The following RNF43 variants were observed in gnomAD, a reference collection of about 807,000 sequenced individuals.
RNF43 encodes the protein ring finger protein 43, also known as E3 ubiquitin-protein ligase RNF43.
Under a neutral mutation model 78.4 loss-of-function variants are expected in RNF43, and 37 were observed. The ratio of observed to expected loss-of-function variants is 0.47; its 90% CI spans 0.36 to 0.62. The LOEUF is 0.62. Among genes scored for constraint, RNF43 ranks in the 20% least tolerant of loss-of-function variants. The probability of loss-of-function intolerance (pLI) is 0.00; values close to 1 mark genes in which losing one functional copy is unlikely to be tolerated. For synonymous variants in RNF43, 347 were observed against 395.0 expected (o/e 0.88, Z 1.44); for missense variants, 774 against 1,007.9 (o/e 0.77, Z 3.14).
intron 6 of RNF43, among the ~76,000 whole-genome samples, chr17:58,362,254 G>A (rs777428224): frequency 6.6e-6 from 1 of 151,862 alleles, no homozygotes; most frequent in Non-Finnish European, 1.5e-5. Context: ...TTTCCCTCTA[G>A]AATAAAAAAG....
At chr17:58,363,094 T>C (rs1972874229) in intron 5 of RNF43, 181 bp downstream of exon 5, 1 of 669,372 alleles carries the variant, frequency 1.5e-6, no homozygotes, top group Admixed American at 2.9e-5. Context: ...GTTCATTCTG[T>C]AGGTGAGGCC....
chr17:58,356,866 G>A (rs1009294515), intron 9 of RNF43: 4 of 299,384 alleles, frequency 1.3e-5, no homozygotes, highest in South Asian at 9.1e-5. Flanking sequence ...CTACTACCCC[G>A]GGGACCATTC....
chr17:58,360,939 C>T lies in RNF43; in HGVS notation c.693G>A (p.Pro231=), dbSNP rs376426806. 1.3e-5 allele frequency: 20 copies of T among 1,574,618 alleles called. No individual in the cohort carries two copies. Among genetic ancestry groups the T allele is most frequent in the South Asian group, 1.2e-4 (10 of 86,352 alleles). ...TGGCCCAGGCTGTTCTCTGCTGAAG[C>T]GGATCCTGGGAAGAGGAATGGGGCT... ...RCRPRHSRPD[P]LQQRTAWAIS... is the part of the protein sequence containing the mutation. Residue 231 remains proline (P), a synonymous_variant, in exon 7 of 10, where the codon CCG becomes CCA. Coordinates refer to ENST00000407977, the MANE Select transcript of RNF43 (RefSeq NM_017763.6). The surrounding 1 kb of genome is among the most constrained non-coding windows in gnomAD (Gnocchi z 4.3).
At chr17:58,388,719 A>AAG (rs1973486417) in intron 2 of RNF43, among the ~76,000 whole-genome samples, 1 of 152,176 alleles carries the variant, frequency 6.6e-6, no homozygotes, top group Non-Finnish European at 1.5e-5. Flanking sequence ...GATGGATCTT[A>AAG]AGCTCACCCT....
chr17:58,405,508 GA>G (rs1973886705), intron 2 of RNF43, among the ~76,000 whole-genome samples: 1 of 151,808 alleles, frequency 6.6e-6, no homozygotes, highest in African/African-American at 2.4e-5. Flanking sequence ...AATGACTCTT[GA>G]AAAAATGAAA....
At chr17:58,376,463 A>C (rs1046360372) in intron 2 of RNF43, among the ~76,000 whole-genome samples, 4 of 152,062 alleles carry the variant, frequency 2.6e-5, no homozygotes, top group Admixed American at 6.6e-5. Context: ...GTATGGCTTG[A>C]CTCTTTTACA....
chr17:58,378,242 CTTTAT>C (rs748132195), intron 2 of RNF43, among the ~76,000 whole-genome samples: 15 of 152,236 alleles, frequency 9.9e-5, no homozygotes, highest in African/African-American at 2.2e-4. Flanking sequence ...AGGAGTTTCT[CTTTAT>C]TTTATTTTAT....
In RNF43 at chr17:58,358,008, C is replaced by A. The variant is rs1442406191; in HGVS notation, c.1768G>T (p.Glu590Ter). Residue 590 changes from glutamate to a stop codon, truncating the protein, a stop_gained, in exon 9 of 10, where the codon GAG becomes TAG. Transcript: ENST00000407977. LOFTEE classifies it high-confidence loss of function. The surrounding 1 kb of genome is among the most constrained non-coding windows in gnomAD (Gnocchi z 6.2). ...PPIPRTQPQP[E>*]PPSPDQQVTR... ...ACTTGCTGATCAGGAGAAGGTGGCT[C>A]TGGCTGGGGCTGTGTCCGAGGAATA... The A allele has an allele frequency of 2.5e-6, 4 of 1,596,990 alleles. No homozygotes were observed. The highest frequency in any genetic ancestry group is 3.4e-6 in the Non-Finnish European group (4 of 1,172,416).
At chr17:58,374,397 T>C (rs1353310850) in intron 2 of RNF43, among the ~76,000 whole-genome samples, 17 of 149,820 alleles carry the variant, frequency 1.1e-4, no homozygotes, top group Admixed American at 9.3e-4. Context: ...CACTCTTCTT[T>C]TTTTTTTTTT....
At chr17:58,356,886 CTTTTTTTTTT>C in intron 9 of RNF43, 1 of 141,256 alleles carries the variant, frequency 7.1e-6, no homozygotes, top group South Asian at 7.8e-5. Flanking sequence ...CCAAATGCCT[CTTTTTTTTTT>C]TTTTTTTTTT....
rs199909371 is a variant in RNF43 at position 58,370,967 on chromosome 17, C to T, written c.319G>A (p.Val107Ile). The T allele has an allele frequency of 9.8e-4, 1,581 of 1,611,550 alleles. 3 individuals carry two copies. The highest frequency in any genetic ancestry group is 1.3e-3 in the Non-Finnish European group (1,515 of 1,178,604). ...DNLEPGFISI[V>I]KLESPRRAPR... ...GCCCGTCGAGGACTCTCCAGCTTGA[C>T]GATGCTGATGAATCCAGGCTCCAGA... Residue 107 changes from valine to isoleucine, a missense_variant, in exon 3 of 10, where the codon GTC becomes ATC. Transcript: ENST00000407977.
chr17:58,405,847 G>A (rs1324013509), intron 2 of RNF43, among the ~76,000 whole-genome samples: 3 of 152,208 alleles, frequency 2.0e-5, no homozygotes, highest in Non-Finnish European at 4.4e-5. Context: ...GCCTCCTGCT[G>A]TTTAAGTTGA....
At chr17:58,367,981 T>G (rs1469325178) in intron 3 of RNF43, among the ~76,000 whole-genome samples, 1 of 152,186 alleles carries the variant, frequency 6.6e-6, no homozygotes, top group African/African-American at 2.4e-5. Flanking sequence ...GTCCCATTAT[T>G]ATTCCCCTTT....
In RNF43 at chr17:58,353,875, G is replaced by A. The variant is rs550942894; in HGVS notation, c.*1068C>T. 106 of 186,268 alleles carry A rather than the reference G, an allele frequency of 5.7e-4. No homozygotes were observed. Among genetic ancestry groups the A allele is most frequent in the Non-Finnish European group, 9.8e-4 (86 of 87,826 alleles). The allele number at this position is 186,268 out of a possible 1,614,324, so 11.5% of individuals were successfully genotyped here. A position where few individuals can be genotyped will look rare whatever the true frequency, so the allele number is the denominator to read the frequency against. The stretch of plus-strand genomic sequence containing the variant: ...CATTCCAAATGGGATAATGCCTGAG[G>A]GGCCAAGAGTGGTCAGGCTGCCCTG... On this transcript the variant is annotated 3_prime_UTR_variant, in exon 10 of 10. Coordinates refer to ENST00000407977, the MANE Select transcript of RNF43 (RefSeq NM_017763.6).
In RNF43 at chr17:58,415,494, T is replaced by G. The variant is rs1244066045; in HGVS notation, c.84A>C (p.Thr28=). 4 of 1,613,392 alleles carry G rather than the reference T, an allele frequency of 2.5e-6. No individual in the cohort carries two copies. The highest frequency in any genetic ancestry group is 3.4e-6 in the Non-Finnish European group (4 of 1,180,034). Residue 28 remains threonine, a synonymous_variant, in exon 2 of 10, where the codon ACA becomes ACC. Transcript: ENST00000407977. ...CCACCGCTGCTGCCAGTACCAGTCC[T>G]GTGCGTCCAAAGCCTGCCTGCAGGG... is the stretch of plus-strand genomic sequence containing the variant. The part of the protein sequence containing the change: ...MATLQAGFGR[T]GLVLAAAVES...
chr17:58,362,083 C>G (rs1972845012), intron 6 of RNF43, among the ~76,000 whole-genome samples: 1 of 149,904 alleles, frequency 6.7e-6, no homozygotes, highest in Admixed American at 6.7e-5. Flanking sequence ...AAGACTCTGT[C>G]TCAAAACAAA....
At position 58,354,750 on chromosome 17, in the gene RNF43, T is replaced by G; in HGVS notation, c.*193A>C. 6 of 618,428 alleles carry G rather than the reference T, an allele frequency of 9.7e-6. No homozygotes were observed. The highest frequency in any genetic ancestry group is 1.8e-5 in the Non-Finnish European group (6 of 339,134). 38.3% of individuals were successfully genotyped at this position (618,428 alleles called of 1,614,324 possible). ...CTGCAGATGTTTTCTGCAGACAAGG[T>G]CTGGAGCTGGAGCAGGAAACGGCAC... On this transcript the variant is annotated 3_prime_UTR_variant, in exon 10 of 10. Coordinates refer to ENST00000407977, the MANE Select transcript of RNF43 (RefSeq NM_017763.6).
At position 58,415,240 on chromosome 17, in the gene RNF43, C is replaced by T. The variant is rs1173169374; in HGVS notation, c.252+86G>A. ...AATAGAAAGCTAAGCAGTAGAAGCCCGTGTATGGTATTTCATTTGGGAGAC... is the reference window on the plus strand; with the variant it reads ...AATAGAAAGCTAAGCAGTAGAAGCCTGTGTATGGTATTTCATTTGGGAGAC... On this transcript the variant is annotated intron_variant, in intron 2 of 9. Transcript: ENST00000407977. 16 of 1,413,494 alleles carry T rather than the reference C, an allele frequency of 1.1e-5. No homozygotes were observed. The East Asian group carries it at 1.1e-4, about 10-fold the overall frequency. The allele number at this position is 1,413,494 out of a possible 1,614,324, so 87.6% of individuals were successfully genotyped here.
chr17:58,408,214 T>A (rs1973952400), intron 2 of RNF43, among the ~76,000 whole-genome samples: 1 of 152,244 alleles, frequency 6.6e-6, no homozygotes, highest in South Asian at 2.1e-4. Flanking sequence ...TAGTTGCTTT[T>A]CATCTGGAGT....
Sources: allele counts gnomAD v4.1 joint callset (sites outside exome capture counted in the v4.1 genomes callset), GRCh38; gene constraint gnomAD v4.1.1; non-coding constraint Gnocchi (gnomAD v3.1); transcripts MANE v1.5; gene names NCBI Gene and HGNC (gene_info 2026-07-23, HGNC 2026-07-21).